Variants in ZNF345 observed in about 807,000 individuals in gnomAD.
ZNF345 encodes zinc finger protein 345.
For synonymous variants in ZNF345, 166 were observed against 187.9 expected (o/e 0.88, Z 0.95); for missense variants, 527 against 589.9 (o/e 0.89, Z 1.10).
intron 1 of ZNF345, 89 bp from the exon 2 acceptor site, chr19:36,851,741 G>T (rs1600681944): frequency 1.3e-5 from 2 of 152,252 alleles, no homozygotes; most frequent in South Asian, 4.2e-4. Context: ...ATGGGCAGTA[G>T]GGGCTGAGCA....
intron 2 of ZNF345, among the ~76,000 whole-genome samples, chr19:36,854,859 CTT>C (rs34921305): frequency 1.7e-4 from 23 of 138,442 alleles, no homozygotes; most frequent in Admixed American, 1.4e-4. Context: ...CTTTTCTTTT[CTT>C]TTTTTTTTTT....
chr19:36,892,796 A>T (rs28635726), intron 3 of ZNF345: 17,862 of 567,718 alleles, frequency 0.031, 1,146 homozygotes, highest in African/African-American at 0.19. Flanking sequence ...AAAAAAAAAA[A>T]TTTTTTTTGC....
downstream of ZNF345, among the ~76,000 whole-genome samples, chr19:36,882,997 G>T (rs1411289622): frequency 2.6e-5 from 4 of 151,996 alleles, no homozygotes; most frequent in Non-Finnish European, 5.9e-5. Flanking sequence ...TTTATGTTTG[G>T]TTGCTGTATT....
downstream of ZNF345, among the ~76,000 whole-genome samples, chr19:36,883,143 T>G (rs2072978300): frequency 1.3e-5 from 2 of 152,236 alleles, no homozygotes; most frequent in African/African-American, 4.8e-5. Flanking sequence ...GTGTTTTATT[T>G]TTAACCCAAT....
At chr19:36,892,034 A>T (rs1456645359) in intron 3 of ZNF345, 2 of 1,613,972 alleles carry the variant, frequency 1.2e-6, no homozygotes, top group Non-Finnish European at 8.5e-7. Flanking sequence ...TTAAGGTTTG[A>T]GCAATACTTA....
chr19:36,887,049 G>A (rs1568364447), intron 3 of ZNF345, among the ~76,000 whole-genome samples: 2 of 150,576 alleles, frequency 1.3e-5, no homozygotes, highest in Non-Finnish European at 2.9e-5. Context: ...TGTAATCCCA[G>A]CTACTCGGGA....
intron 2 of ZNF345, among the ~76,000 whole-genome samples, chr19:36,856,874 T>C (rs1362795662): frequency 6.6e-6 from 1 of 151,690 alleles, no homozygotes; most frequent in Admixed American, 6.6e-5. Context: ...AAGATTGCTG[T>C]ATTCTTTATT....
intron 3 of ZNF345, among the ~76,000 whole-genome samples, chr19:36,886,784 G>A (rs910916305): frequency 2.0e-5 from 3 of 151,522 alleles, no homozygotes; most frequent in Admixed American, 1.3e-4. Context: ...TCAGGAGATC[G>A]AGACCATCCT....
At chr19:36,859,514 TC>T (rs2072499894) in intron 2 of ZNF345, among the ~76,000 whole-genome samples, 1 of 151,904 alleles carries the variant, frequency 6.6e-6, no homozygotes, top group South Asian at 2.1e-4. Flanking sequence ...ATTTTGAGAT[TC>T]TTTTTTTGTG....
At chr19:36,860,771 T>C (rs1333041253) in intron 2 of ZNF345, among the ~76,000 whole-genome samples, 3 of 152,224 alleles carry the variant, frequency 2.0e-5, no homozygotes, top group Non-Finnish European at 2.9e-5. Flanking sequence ...GTTTCTCCAC[T>C]GTAATATTGA....
At chr19:36,866,036 T>C (rs2072652537) in intron 2 of ZNF345, among the ~76,000 whole-genome samples, 1 of 152,204 alleles carries the variant, frequency 6.6e-6, no homozygotes, top group Non-Finnish European at 1.5e-5. Context: ...AGTTTGCTTT[T>C]TTAATTATTT....
chr19:36,852,229 T>C (rs2044616755), intron 2 of ZNF345, among the ~76,000 whole-genome samples: 1 of 150,470 alleles, frequency 6.6e-6, no homozygotes, highest in Non-Finnish European at 1.5e-5. Flanking sequence ...AATTTTTGGC[T>C]ACTACAGGCA....
chr19:36,850,843 T>G (rs562299921), upstream of ZNF345: 3 of 152,396 alleles, frequency 2.0e-5, no homozygotes, highest in East Asian at 5.8e-4. Context: ...GATAACTAGA[T>G]TGTCTCTTGA....
chr19:36,892,909 G>A, exon 4 of ZNF345: 1 of 1,133,728 alleles, frequency 8.8e-7, no homozygotes, highest in Non-Finnish European at 1.1e-6. Context: ...GCATGCCCAG[G>A]CAGGGGTTAA....
downstream of ZNF345, among the ~76,000 whole-genome samples, chr19:36,881,421 C>A (rs1446219115): frequency 6.6e-6 from 1 of 151,970 alleles, no homozygotes; most frequent in African/African-American, 2.4e-5. Context: ...ATTTTAATCA[C>A]CAGAACTGAC....
chr19:36,885,438 C>T (rs1387947692), intron 3 of ZNF345, among the ~76,000 whole-genome samples: 2 of 151,686 alleles, frequency 1.3e-5, no homozygotes, highest in African/African-American at 2.4e-5. Context: ...TTGCAAATGC[C>T]TTTTGCTTTG....
chr19:36,872,801 A>C (rs561909558), intron 2 of ZNF345: 1 of 152,324 alleles, frequency 6.6e-6, no homozygotes, highest in Non-Finnish European at 1.5e-5. Flanking sequence ...CTTTATAATT[A>C]ATAAATAATC....
exon 4 of ZNF345, chr19:36,892,895 A>C: frequency 8.6e-7 from 1 of 1,157,072 alleles, no homozygotes; most frequent in Non-Finnish European, 1.1e-6. Flanking sequence ...CTGCAAGGCC[A>C]TCAGCATGCC....
chr19:36,893,009 C>T (rs111888761), exon 4 of ZNF345: 4,300 of 408,112 alleles, frequency 0.011, 36 homozygotes, highest in African/African-American at 0.024. Context: ...ATTATATACA[C>T]GTTCATAAAC....
Sources: gnomAD v4.1 joint callset for allele counts (sites outside exome capture counted in the v4.1 genomes callset) on GRCh38, gnomAD v4.1.1 for gene constraint, MANE v1.5 for transcripts, NCBI Gene and HGNC (gene_info 2026-07-23, HGNC 2026-07-21) for gene names.